The following LGR6 variants were observed in gnomAD, a reference collection of about 807,000 sequenced individuals.
LGR6 encodes leucine rich repeat containing G protein-coupled receptor 6.
In LGR6, 45 loss-of-function variants were observed where a neutral mutation model predicts 69.4. The ratio of observed to expected loss-of-function variants is 0.65; its 90% CI spans 0.51 to 0.83. The LOEUF (loss-of-function observed/expected upper bound fraction) is 0.83. Among genes scored for constraint, LGR6 ranks in the 40% least tolerant of loss-of-function variants. The pLI is 0.00. For missense variants in LGR6, 1,108 were observed against 1,246.7 expected, an observed-to-expected ratio of 0.89 and a Z score of 1.68; for synonymous variants, 538 against 555.0, an observed-to-expected ratio of 0.97 and a Z score of 0.43.
rs1667250902 is a variant in LGR6 at position 202,297,545 on chromosome 1, G to A, written c.754G>A (p.Ala252Thr). The A allele has an allele frequency of 5.6e-6, 9 of 1,613,936 alleles. No individual in the cohort carries two copies. Among genetic ancestry groups the A allele is most frequent in the Non-Finnish European group, 7.6e-6 (9 of 1,179,938 alleles). ...NYNKLQEFPV[A>T]IRTLGRLQEL... Reference sequence around the variant, plus strand: ...TAACAAGCTGCAGGAGTTCCCTGTGGCCATCCGGACCCTGGGCAGACTGCA... The same window carrying A: ...TAACAAGCTGCAGGAGTTCCCTGTGACCATCCGGACCCTGGGCAGACTGCA... The change falls in exon 7 of 18, where the codon GCC (alanine) becomes ACC (threonine). Residue 252 changes from alanine (A) to threonine (T), a missense_variant. By Grantham distance (58) the Ala-to-Thr change is moderately conservative. Transcript: ENST00000367278.
At chr1:202,252,159 T>C (rs1219634370) in intron 4 of LGR6, among the ~76,000 whole-genome samples, 1 of 152,116 alleles carries the variant, frequency 6.6e-6, no homozygotes, top group Non-Finnish European at 1.5e-5. Flanking sequence ...GTTTTCACCT[T>C]TGTGTCCCTA....
At chr1:202,205,171 TTCCTTCA>T (rs1558004697) in intron 1 of LGR6, among the ~76,000 whole-genome samples, 71 of 2,572 alleles carry the variant, frequency 0.028, no homozygotes, top group Non-Finnish European at 0.045. Context: ...TAACACACAC[TTCCTTCA>T]AACACACACC....
At position 202,268,373 on chromosome 1, in the gene LGR6, T is replaced by C. The variant is rs1163098499; in HGVS notation, c.429-7933T>C. ...CTTGCCTTCCCAGGCAGGCTCTCGG[T>C]CAGGGCCGTTGGTCCCTCCAGGCAA... On this transcript the variant is annotated intron_variant, in intron 4 of 17. Transcript: ENST00000367278. This position sits in a 1 kb window ranked among gnomAD's most constrained non-coding sequence, Gnocchi z 4.4. Among the ~76,000 whole-genome samples the C allele has an allele frequency of 8.5e-5, 13 of 152,148 alleles. No individual in the cohort carries two copies. The highest frequency in any genetic ancestry group is 1.8e-4 in the Non-Finnish European group (12 of 68,024).
At chr1:202,269,251 C>G (rs1410121332) in intron 4 of LGR6, among the ~76,000 whole-genome samples, 1 of 152,108 alleles carries the variant, frequency 6.6e-6, no homozygotes, top group Non-Finnish European at 1.5e-5. Context: ...TATGTAGCCA[C>G]TCCTATTCAG....
chr1:202,301,467 A>G (rs1306398880), intron 9 of LGR6, among the ~76,000 whole-genome samples: 1 of 152,180 alleles, frequency 6.6e-6, no homozygotes, highest in African/African-American at 2.4e-5. Context: ...CAGGTCTCAA[A>G]GGGACAAGGA....
intron 17 of LGR6, among the ~76,000 whole-genome samples, chr1:202,315,119 T>C (rs1654047048): frequency 6.6e-6 from 1 of 152,202 alleles, no homozygotes; most frequent in Non-Finnish European, 1.5e-5. Context: ...AATCAGCCAA[T>C]TAGCATTTAT....
intron 6 of LGR6, among the ~76,000 whole-genome samples, chr1:202,283,726 A>T (rs1666192305): frequency 1.3e-5 from 2 of 152,188 alleles, no homozygotes; most frequent in Admixed American, 1.3e-4. Flanking sequence ...GTGCACGTGC[A>T]GCACACGTGC....
chr1:202,312,641 T>A (rs1653832086), intron 16 of LGR6, among the ~76,000 whole-genome samples: 1 of 152,222 alleles, frequency 6.6e-6, no homozygotes, highest in Admixed American at 6.5e-5. Context: ...GCCCACAGGA[T>A]GCTGTCTCTT....
At chr1:202,214,222 G>C in intron 1 of LGR6, 3 of 1,541,342 alleles carry the variant, frequency 1.9e-6, no homozygotes, top group Non-Finnish European at 2.6e-6. Flanking sequence ...GGGAGTGCAC[G>C]GCGCGGTGCG....
At chr1:202,251,160 G>A (rs1663206064) in intron 4 of LGR6, among the ~76,000 whole-genome samples, 1 of 152,166 alleles carries the variant, frequency 6.6e-6, no homozygotes, top group South Asian at 2.1e-4. Context: ...GCTTCCAGTT[G>A]CAAGCACTGG....
At chr1:202,249,436 G>A (rs1663041836) in intron 4 of LGR6, among the ~76,000 whole-genome samples, 2 of 152,076 alleles carry the variant, frequency 1.3e-5, no homozygotes, top group South Asian at 4.2e-4. Context: ...GTTTCTCCCT[G>A]GGAGGTTTCT....
At chr1:202,291,060 T>G (rs2148219864) in intron 6 of LGR6, among the ~76,000 whole-genome samples, 1 of 152,312 alleles carries the variant, frequency 6.6e-6, no homozygotes, top group East Asian at 1.9e-4. Context: ...GGGCTGGGGT[T>G]GCCTTCTCAG....
At chr1:202,233,423 CT>C (rs1661262185) in intron 3 of LGR6, among the ~76,000 whole-genome samples, 1 of 152,172 alleles carries the variant, frequency 6.6e-6, no homozygotes, top group Non-Finnish European at 1.5e-5. Context: ...CATCGTTTCT[CT>C]TGTATCCTTG....
chr1:202,195,894 A>G (rs1413123922), intron 1 of LGR6, among the ~76,000 whole-genome samples: 2 of 152,172 alleles, frequency 1.3e-5, no homozygotes, highest in Non-Finnish European at 2.9e-5. Flanking sequence ...AAGGAGGTAC[A>G]CTGTCACCTT....
intron 1 of LGR6, among the ~76,000 whole-genome samples, chr1:202,198,885 C>G (rs945505408): frequency 2.0e-5 from 3 of 151,958 alleles, no homozygotes; most frequent in African/African-American, 7.3e-5. Flanking sequence ...GGGGTGCCAA[C>G]GTGCCAGGTC....
chr1:202,241,628 A>G lies in LGR6; in HGVS notation c.428+5635A>G, dbSNP rs73085685. ...GCCAAGGCCAAGAGAAACCACAGGA[A>G]GCCAGCAGAGCCTGGGGGAAAATAG... On this transcript the variant is annotated intron_variant, in intron 4 of 17. Coordinates refer to ENST00000367278, the MANE Select transcript of LGR6 (RefSeq NM_001017403.2). Among the ~76,000 whole-genome samples the G allele has an allele frequency of 8.9e-3, 1,356 of 151,526 alleles. 22 individuals are homozygous for G. Among genetic ancestry groups the G allele is most frequent in the African/African-American group, 0.031 (1,277 of 41,296 alleles).
At chr1:202,198,999 G>A (rs1658741816) in intron 1 of LGR6, among the ~76,000 whole-genome samples, 2 of 152,166 alleles carry the variant, frequency 1.3e-5, no homozygotes, top group South Asian at 4.1e-4. Flanking sequence ...TGGGGTTTGT[G>A]AGTTCTAATC....
intron 1 of LGR6, among the ~76,000 whole-genome samples, chr1:202,205,732 A>G (rs1216754464): frequency 7.2e-6 from 1 of 138,236 alleles, no homozygotes. Context: ...CCTTCTTCAA[A>G]CACACACACA....
chr1:202,197,417 C>CT (rs774775172), intron 1 of LGR6: 7 of 533,402 alleles, frequency 1.3e-5, no homozygotes, highest in African/African-American at 5.8e-5. Context: ...ATATGTCTCT[C>CT]TTTTTTGCAA....
Sources: allele counts gnomAD v4.1 joint callset (sites outside exome capture counted in the v4.1 genomes callset), GRCh38; gene constraint gnomAD v4.1.1; non-coding constraint Gnocchi (gnomAD v3.1); transcripts MANE v1.5; gene names NCBI Gene and HGNC (gene_info 2026-07-23, HGNC 2026-07-21).